Variants in DIPK2B observed in about 807,000 individuals in gnomAD.
DIPK2B encodes the protein divergent protein kinase domain 2B, also known as UPF0672 protein CXorf36.
DIPK2B carries 15 observed loss-of-function variants against 22.2 expected under a neutral mutation model. That is an observed-to-expected ratio of 0.68 (90% confidence interval 0.45 to 1.04). The LOEUF is 1.04. Among genes scored for constraint, DIPK2B ranks in the 50% least tolerant of loss-of-function variants. DIPK2B has a pLI of 0.00. For synonymous variants in DIPK2B, 163 were observed against 153.2 expected (o/e 1.06, Z -0.47); for missense variants, 345 against 348.3 (o/e 0.99, Z 0.08).
At chrX:45,178,336 T>A (rs150996762) in intron 2 of DIPK2B, among the ~76,000 whole-genome samples, 2,535 of 112,141 alleles carry the variant, frequency 0.023, 88 homozygotes, top group African/African-American at 0.076. Context: ...GTGCATGCAG[T>A]AGCATTTTTT....
chrX:45,190,153 G>A (rs994401679), intron 2 of DIPK2B, among the ~76,000 whole-genome samples: 6 of 112,245 alleles, frequency 5.3e-5, no homozygotes, highest in African/African-American at 1.6e-4. Context: ...AAGCTCATTA[G>A]GATAAATGAA....
intron 2 of DIPK2B, chrX:45,163,478 C>A: frequency 1.3e-6 from 1 of 752,332 alleles, no homozygotes; most frequent in Admixed American, 8.8e-5. Flanking sequence ...TTAGTGAAAT[C>A]TGAATAGAGG....
chrX:45,172,131 T>C (rs2047085936), intron 2 of DIPK2B, among the ~76,000 whole-genome samples: 1 of 112,287 alleles, frequency 8.9e-6, no homozygotes, highest in Non-Finnish European at 1.9e-5. Context: ...AAGGCAGGAC[T>C]GGAGCCAGAT....
Position 45,154,116 on chromosome X carries a change from G to A in DIPK2B, c.755C>T (p.Pro252Leu), listed in dbSNP as rs757048129. 1.1e-5 allele frequency: 13 copies of A among 1,208,488 alleles called. No homozygotes were observed. Among genetic ancestry groups the A allele is most frequent in the African/African-American group, 7.0e-5 (4 of 56,764 alleles). The change falls in exon 4 of 5, where the codon CCG (proline) becomes CTG (leucine). Residue 252 changes from proline (P) to leucine (L), a missense_variant. Pro to Leu is a moderately conservative substitution (Grantham distance 98, BLOSUM62 -3). Transcript: ENST00000398000. ...GGGTGCATCATAGAATTCCTGCAGC[G>A]GTCTGGTGCTGGTGCTGACGAGGAA... Reference protein sequence around the residue: ...GRFLVSTSTRPLQEFYDAPPD... With the variant: ...GRFLVSTSTRLLQEFYDAPPD...
intron 2 of DIPK2B, among the ~76,000 whole-genome samples, chrX:45,177,603 T>G (rs1292620565): frequency 9.0e-6 from 1 of 111,279 alleles, no homozygotes; most frequent in Non-Finnish European, 1.9e-5. Context: ...GCTGGCACCA[T>G]GCTTCTACAG....
intron 3 of DIPK2B, 139 bp from the exon 4 acceptor site, chrX:45,154,337 C>CTGTCT (rs1189765516): frequency 1.9e-6 from 1 of 539,774 alleles, no homozygotes; most frequent in African/African-American, 2.4e-5. Flanking sequence ...CTATATCAAT[C>CTGTCT]ATCTATATCT....
In DIPK2B at chrX:45,162,389, C is replaced by A. The variant is rs1031781506; in HGVS notation, c.499-4501G>T. The A allele has an allele frequency of 2.9e-5, 22 of 752,703 alleles. No individual in the cohort carries two copies. In the East Asian group the frequency reaches 2.9e-3, roughly 98 times the overall value. The allele number at this position is 752,703 out of a possible 1,213,427, so 62.0% of individuals were successfully genotyped here. A position where few individuals can be genotyped will look rare whatever the true frequency, so the allele number is the denominator to read the frequency against. ...TATTTGCTGAGAAGGTTCTGAGCAA[C>A]CTCTATAACTGTAGCAGGAACAGGC... On this transcript the variant is annotated intron_variant, in intron 2 of 4. Coordinates refer to ENST00000398000, the MANE Select transcript of DIPK2B (RefSeq NM_176819.4).
In DIPK2B at chrX:45,150,511, A is replaced by G. The variant is rs1299684801; in HGVS notation, c.*1141T>C. The G allele has an allele frequency of 3.6e-5, 4 of 111,720 alleles. No homozygotes were observed. The Admixed American group carries it at 3.8e-4, about 11-fold the overall frequency. The allele number at this position is 111,720 out of a possible 1,213,427, so 9.2% of individuals were successfully genotyped here. A position where few individuals can be genotyped will look rare whatever the true frequency, so the allele number is the denominator to read the frequency against. On this transcript the variant is annotated 3_prime_UTR_variant, in exon 5 of 5. Transcript: ENST00000398000. ...AACTCGGAGCATGCGGTGTGGAGAG[A>G]GCTGGTCCAGGGCCTCAGCTGTGGC... is the stretch of plus-strand genomic sequence containing the variant.
chrX:45,172,558 G>T (rs1010872447), intron 2 of DIPK2B, among the ~76,000 whole-genome samples: 1 of 110,659 alleles, frequency 9.0e-6, no homozygotes, highest in African/African-American at 3.3e-5. Context: ...CTTTCCTCTC[G>T]CCTCCCACTT....
intron 2 of DIPK2B, among the ~76,000 whole-genome samples, chrX:45,173,619 C>G (rs2047099026): frequency 1.0e-5 from 1 of 99,696 alleles, no homozygotes; most frequent in South Asian, 4.9e-4. Context: ...GGAGGGGAGA[C>G]AGGGTCTCAT....
chrX:45,200,730 G>T lies in DIPK2B; in HGVS notation c.97C>A (p.Pro33Thr). 8.3e-7 allele frequency: 1 copy of T among 1,212,035 alleles called. No individual in the cohort carries two copies. The highest frequency in any genetic ancestry group is 1.1e-6 in the Non-Finnish European group (1 of 895,424). ...ACCAGAGAAGAAAGGGAAGAAGCTG[G>T]CAAGGAGAAAGAACAGCTCAGGGCT... ...VSALSCSFSL[P>T]ASSLSSLVPQ... is the part of the protein sequence containing the mutation. Residue 33 changes from proline to threonine, a missense_variant, in exon 1 of 5, where the codon CCA becomes ACA. Transcript: ENST00000398000.
chrX:45,157,614 C>G (rs1009565669), intron 3 of DIPK2B, 101 bp downstream of exon 3: 2 of 896,894 alleles, frequency 2.2e-6, no homozygotes, highest in Admixed American at 6.0e-5. Context: ...GCTAGTGGCC[C>G]AAGACATGCA....
chrX:45,152,017 C>T (rs770931520), intron 4 of DIPK2B, 25 bp from the exon 5 acceptor site: 34 of 1,119,949 alleles, frequency 3.0e-5, no homozygotes, highest in Admixed American at 5.4e-5. Context: ...GGAAGTATTA[C>T]ACACCCTGCC....
intron 1 of DIPK2B, among the ~76,000 whole-genome samples, chrX:45,197,080 A>G (rs764048100): frequency 3.5e-4 from 39 of 112,082 alleles, no homozygotes; most frequent in South Asian, 1.1e-3. Context: ...GTTGCTGAAC[A>G]GATGCAAGCA....
intron 2 of DIPK2B, 52 bp from the exon 3 acceptor site, chrX:45,157,940 TC>T (rs1369995431): frequency 1.3e-6 from 1 of 766,471 alleles, no homozygotes; most frequent in Non-Finnish European, 1.6e-6. Context: ...GGCGCTAAGC[TC>T]TTGTGGGGGG....
chrX:45,179,153 A>G (rs2047135198), intron 2 of DIPK2B, among the ~76,000 whole-genome samples: 1 of 111,247 alleles, frequency 9.0e-6, no homozygotes, highest in African/African-American at 3.3e-5. Context: ...GAGGCTGCTA[A>G]ACATTCTACA....
rs769789882 is a variant in DIPK2B at position 45,192,035 on chromosome X, T to C, written c.234-20A>G. 8.4e-7 allele frequency: 1 copy of C among 1,192,706 alleles called. No individual in the cohort carries two copies. The highest frequency in any genetic ancestry group is 1.1e-6 in the Non-Finnish European group (1 of 885,969). On this transcript the variant is annotated intron_variant, in intron 1 of 4. Coordinates refer to ENST00000398000, the MANE Select transcript of DIPK2B (RefSeq NM_176819.4). ...TCAGATCTGTTGGAAGAATAGCCCTTTGAGGATTGGCCTGTGAGCTGGAGG... is the reference window on the plus strand; with the variant it reads ...TCAGATCTGTTGGAAGAATAGCCCTCTGAGGATTGGCCTGTGAGCTGGAGG...
At position 45,153,940 on chromosome X, in the gene DIPK2B, T is replaced by A; in HGVS notation, c.931A>T (p.Ser311Cys). The A allele has an allele frequency of 8.3e-7, 1 of 1,210,450 alleles. No homozygotes were observed. The highest frequency in any genetic ancestry group is 1.1e-6 in the Non-Finnish European group (1 of 894,735). ...TGCTTGTCGATGACGCCCACTGCAC[T>A]GGCATCCCGGATGAACAGATGCCCG... ...NNGHLFIRDA[S>C]AVGVIDKQEG... The change falls in exon 4 of 5, where the codon AGT (serine) becomes TGT (cysteine). Residue 311 changes from serine (S) to cysteine (C), a missense_variant. Transcript: ENST00000398000.
chrX:45,191,524 A>G, intron 2 of DIPK2B: 1 of 400,072 alleles, frequency 2.5e-6, no homozygotes, highest in African/African-American at 2.5e-5. Flanking sequence ...GTCACTGAGG[A>G]TCACATCAGA....
Sources: allele counts gnomAD v4.1 joint callset (sites outside exome capture counted in the v4.1 genomes callset), GRCh38; gene constraint gnomAD v4.1.1; transcripts MANE v1.5; gene names NCBI Gene and HGNC (gene_info 2026-07-23, HGNC 2026-07-21).